The following NIN variants were observed in gnomAD, a reference collection of about 807,000 sequenced individuals.
NIN encodes ninein, also known as glycogen synthase kinase 3 beta-interacting protein.
Under a neutral mutation model 257.6 loss-of-function variants are expected in NIN, and 137 were observed. That is an observed-to-expected ratio of 0.53 (90% CI 0.46 to 0.61). The LOEUF (loss-of-function observed/expected upper bound fraction) is 0.61. NIN is among the 20% of genes least tolerant of loss of function. NIN has a pLI of 0.00. For missense variants in NIN, 2,439 were observed against 2,501.2 expected (o/e 0.98, Z 0.53); for synonymous variants, 918 against 919.8 (o/e 1.00, Z 0.04).
chr14:50,825,893 T>C (rs1334136564), intron 2 of NIN, among the ~76,000 whole-genome samples: 1 of 152,240 alleles, frequency 6.6e-6, no homozygotes, highest in Non-Finnish European at 1.5e-5. Flanking sequence ...TGAATAATTA[T>C]AGCCTACAAG....
chr14:50,752,782 T>TAAA (rs3083537), intron 20 of NIN, 49 bp from the exon 21 acceptor site: 633 of 695,480 alleles, frequency 9.1e-4, no homozygotes, highest in Middle Eastern at 1.6e-3. Flanking sequence ...CTACTTGTGC[T>TAAA]AAAAAAAAAA....
In NIN at chr14:50,729,702, C is replaced by T; in HGVS notation, c.5899G>A (p.Ala1967Thr). ...LMEMQHLRSTATPSPSPHAWD... is the reference protein window; with the variant it reads ...LMEMQHLRSTTTPSPSPHAWD... ...GCATGAGGGGACGGGCTAGGCGTCG[C>T]AGTGGACCTCAGGTGCTGCATCTGA... Residue 1967 changes from alanine to threonine, a missense_variant, in exon 29 of 31, where the codon GCG becomes ACG. This residue lies in a region of NIN where 2,043 missense variants were observed against 2,050.2 expected (regional missense o/e 1.00). Transcript: ENST00000530997. The T allele has an allele frequency of 6.2e-7, 1 of 1,607,740 alleles. No individual in the cohort carries two copies. The highest frequency in any genetic ancestry group is 8.5e-7 in the Non-Finnish European group (1 of 1,176,818).
At chr14:50,744,201 G>T in intron 23 of NIN, 42 bp downstream of exon 23, 1 of 1,605,178 alleles carries the variant, frequency 6.2e-7, no homozygotes, top group Non-Finnish European at 8.5e-7. Context: ...ATTATGGTGT[G>T]TATTGTATAC....
At chr14:50,824,122 T>C (rs1251788645) in intron 2 of NIN, among the ~76,000 whole-genome samples, 1 of 152,212 alleles carries the variant, frequency 6.6e-6, no homozygotes, top group Non-Finnish European at 1.5e-5. Flanking sequence ...TTTTGCTTGA[T>C]TTTGCATATA....
At chr14:50,742,616 G>T (rs1476560010) in intron 24 of NIN, among the ~76,000 whole-genome samples, 1 of 152,002 alleles carries the variant, frequency 6.6e-6, no homozygotes. Flanking sequence ...GGATGGTCTT[G>T]ATCTCTTGAC....
chr14:50,780,812 G>A (rs1488581228), intron 5 of NIN, among the ~76,000 whole-genome samples: 2 of 152,152 alleles, frequency 1.3e-5, no homozygotes, highest in African/African-American at 4.8e-5. Context: ...TAATAAACAT[G>A]GCATCAATGA....
At chr14:50,762,722 A>C (rs1237691043) in intron 15 of NIN, among the ~76,000 whole-genome samples, 1 of 152,178 alleles carries the variant, frequency 6.6e-6, no homozygotes, top group Admixed American at 6.5e-5. Flanking sequence ...GATTATGACT[A>C]ATCTCTTAAG....
At position 50,758,536 on chromosome 14, in the gene NIN, C is replaced by G; in HGVS notation, c.2494G>C (p.Ala832Pro). 1.2e-6 allele frequency: 2 copies of G among 1,614,042 alleles called. No individual in the cohort carries two copies. The highest frequency in any genetic ancestry group is 1.7e-6 in the Non-Finnish European group (2 of 1,179,970). ...TAGCGCCCCTCCAGGCTTTGCAGAG[C>G]GCTTTCACACCTCTCAGTGACTTTC... ...CQKVTERCES[A>P]LQSLEGRYRQ... is the part of the protein sequence containing the mutation. The change falls in exon 18 of 31, where the codon GCT (alanine) becomes CCT (proline). Residue 832 changes from alanine to proline, a missense_variant. Around this residue, in one of 3 missense-constraint regions of NIN, gnomAD observed 2,043 missense variants for 2,050.2 expected, o/e 1.00. Transcript: ENST00000530997.
At chr14:50,732,460 G>T (rs906018331) in intron 28 of NIN, among the ~76,000 whole-genome samples, 2 of 152,164 alleles carry the variant, frequency 1.3e-5, no homozygotes, top group Non-Finnish European at 1.5e-5. Context: ...GCGCTGGAGA[G>T]GGGGAATGGT....
Position 50,756,870 on chromosome 14 carries a change from C to T in NIN, c.4160G>A (p.Cys1387Tyr). The change falls in exon 18 of 31, where the codon TGT (cysteine) becomes TAT (tyrosine). Residue 1387 changes from cysteine to tyrosine, a missense_variant. Coordinates refer to ENST00000530997, the MANE Select transcript of NIN (RefSeq NM_020921.4). The stretch of plus-strand genomic sequence containing the variant: ...CTCAAGGTACTGGTTTTCTTGCTTA[C>T]ATTCCTCTATGACATGATGTACACT... The part of the protein sequence containing the change: ...VRSVHHVIEE[C>Y]KQENQYLEGN... 1 of 1,552,684 alleles carries T rather than the reference C, an allele frequency of 6.4e-7. No individual in the cohort carries two copies. The highest frequency in any genetic ancestry group is 8.7e-7 in the Non-Finnish European group (1 of 1,147,298).
In NIN at chr14:50,796,022, A is replaced by G. The variant is rs557836051; in HGVS notation, c.266-3141T>C. ...AAACAAAAAGAAATGCTATCAAAACAAAGTATAAATGACTGCCATGCTTTC... is the reference window on the plus strand; with the variant it reads ...AAACAAAAAGAAATGCTATCAAAACGAAGTATAAATGACTGCCATGCTTTC... On this transcript the variant is annotated intron_variant, in intron 4 of 30. Transcript: ENST00000530997. Among the ~76,000 whole-genome samples, 41 of 152,344 alleles carry G rather than the reference A, an allele frequency of 2.7e-4. No individual in the cohort carries two copies. In the East Asian group the frequency reaches 4.8e-3, roughly 18 times the overall value.
In NIN at chr14:50,721,677, T is replaced by C; in HGVS notation, c.*1786A>G. The C allele has an allele frequency of 4.6e-6, 1 of 217,400 alleles. No individual in the cohort carries two copies. The highest frequency in any genetic ancestry group is 9.3e-6 in the Non-Finnish European group (1 of 107,848). 13.5% of individuals were successfully genotyped at this position (217,400 alleles called of 1,614,324 possible). Reference sequence around the variant, plus strand: ...AGCAGATGTCAAATATTTTGAAGTATAATTATAGGGAAGGATTAAAATTAA... The same window carrying C: ...AGCAGATGTCAAATATTTTGAAGTACAATTATAGGGAAGGATTAAAATTAA... On this transcript the variant is annotated 3_prime_UTR_variant, in exon 31 of 31. Transcript: ENST00000530997.
At chr14:50,752,392 A>G (rs557593890) in intron 21 of NIN, 126 bp downstream of exon 21, 5 of 686,256 alleles carry the variant, frequency 7.3e-6, no homozygotes, top group African/African-American at 7.2e-5. Context: ...CTACTTATCT[A>G]TTCATGTGCC....
At chr14:50,785,232 G>A (rs1015938642) in intron 5 of NIN, among the ~76,000 whole-genome samples, 1 of 152,252 alleles carries the variant, frequency 6.6e-6, no homozygotes, top group African/African-American at 2.4e-5. Context: ...AGAGCCTCCT[G>A]GATCTCCAGC....
At position 50,772,288 on chromosome 14, in the gene NIN, T is replaced by C; in HGVS notation, c.981+13A>G. ...CTCCAGTTTGTCATTTTTCTCAATT[T>C]TAGCTGCCACACCTTCAGGATCTCC... On this transcript the variant is annotated intron_variant, in intron 9 of 30. Coordinates refer to ENST00000530997, the MANE Select transcript of NIN (RefSeq NM_020921.4). 3 of 1,571,310 alleles carry C rather than the reference T, an allele frequency of 1.9e-6. No individual in the cohort carries two copies. In the Admixed American group the frequency reaches 5.3e-5, roughly 28 times the overall value.
intron 17 of NIN, among the ~76,000 whole-genome samples, chr14:50,759,016 A>C (rs1379207864): frequency 6.6e-6 from 1 of 152,250 alleles, no homozygotes; most frequent in East Asian, 1.9e-4. Context: ...CATGCGTTAT[A>C]GGATATCAGT....
chr14:50,733,676 C>A (rs189337818), intron 28 of NIN, among the ~76,000 whole-genome samples: 1 of 152,168 alleles, frequency 6.6e-6, no homozygotes, highest in African/African-American at 2.4e-5. Flanking sequence ...AAGGCTCTCA[C>A]AGTGACTAAG....
chr14:50,728,476 T>C (rs191073106), intron 29 of NIN, among the ~76,000 whole-genome samples: 2 of 152,320 alleles, frequency 1.3e-5, no homozygotes, highest in South Asian at 2.1e-4. Flanking sequence ...TAATTAAACA[T>C]AGATGGATAG....
Position 50,739,456 on chromosome 14 carries a change from G to A in NIN, c.5480C>T (p.Ser1827Leu), listed in dbSNP as rs777312739. Residue 1827 changes from serine to leucine, a missense_variant, in exon 26 of 31, where the codon TCA becomes TTA. This residue lies in a region of NIN where 2,043 missense variants were observed against 2,050.2 expected (regional missense o/e 1.00). Coordinates refer to ENST00000530997, the MANE Select transcript of NIN (RefSeq NM_020921.4). ...SWAPEIATHPSGLHNQQKRLS... is the reference protein window; with the variant it reads ...SWAPEIATHPLGLHNQQKRLS... The stretch of plus-strand genomic sequence containing the variant: ...CCTTTTCTGCTGGTTATGGAGCCCT[G>A]ATGGATGAGTAGCTATCTCTGGGGC... The A allele has an allele frequency of 1.9e-5, 30 of 1,614,082 alleles. No individual in the cohort carries two copies. Among genetic ancestry groups the A allele is most frequent in the Non-Finnish European group, 2.5e-5 (30 of 1,180,048 alleles).
Sources: allele counts gnomAD v4.1 joint callset (sites outside exome capture counted in the v4.1 genomes callset), GRCh38; gene constraint gnomAD v4.1.1; regional missense constraint gnomAD v4.1.1; transcripts MANE v1.5; gene names NCBI Gene and HGNC (gene_info 2026-07-23, HGNC 2026-07-21).